TNFRSF21: variants seen among roughly 807,000 people sequenced by gnomAD.
TNFRSF21 encodes the protein TNF receptor superfamily member 21.
Under a neutral mutation model 45.6 loss-of-function variants are expected in TNFRSF21, and 19 were observed. That is an observed-to-expected ratio of 0.42 (90% CI 0.29 to 0.61). TNFRSF21 has a LOEUF of 0.61. Ranked by LOEUF, TNFRSF21 falls within the 20% of genes least tolerant of loss-of-function variation. TNFRSF21 has a pLI of 0.23. For synonymous variants in TNFRSF21, 314 were observed against 335.5 expected (o/e 0.94, Z 0.70); for missense variants, 737 against 851.5 (o/e 0.87, Z 1.67).
intron 1 of TNFRSF21, among the ~76,000 whole-genome samples, chr6:47,292,770 T>A (rs184829750): frequency 6.6e-6 from 1 of 152,370 alleles, no homozygotes; most frequent in East Asian, 1.9e-4. Flanking sequence ...AGAGACTCAC[T>A]GTGAATTTTG....
At chr6:47,289,735 T>A (rs1334107046) in intron 1 of TNFRSF21, among the ~76,000 whole-genome samples, 4 of 152,210 alleles carry the variant, frequency 2.6e-5, no homozygotes, top group African/African-American at 9.7e-5. Flanking sequence ...GGCTCATGCC[T>A]GTAATCCCAG....
intron 4 of TNFRSF21, among the ~76,000 whole-genome samples, chr6:47,241,433 T>G (rs747938745): frequency 5.9e-5 from 9 of 152,148 alleles, no homozygotes; most frequent in Non-Finnish European, 1.2e-4. Context: ...TCTTGTTCAA[T>G]TCAATCCAGA....
chr6:47,253,559 G>A (rs1412021823), intron 3 of TNFRSF21, 38 bp from the exon 4 acceptor site: 5 of 1,595,116 alleles, frequency 3.1e-6, no homozygotes, highest in Non-Finnish European at 4.3e-6. Flanking sequence ...ATGAGGGCTT[G>A]TAAGGGAAGC....
At chr6:47,309,333 G>A in intron 1 of TNFRSF21, 83 bp downstream of exon 1, 1 of 1,462,730 alleles carries the variant, frequency 6.8e-7, no homozygotes, top group Admixed American at 2.4e-5. Flanking sequence ...CCTAAGCCCC[G>A]GCCCGGTGAC....
At chr6:47,268,764 A>G (rs1561944548) in intron 3 of TNFRSF21, among the ~76,000 whole-genome samples, 2 of 152,182 alleles carry the variant, frequency 1.3e-5, no homozygotes, top group Non-Finnish European at 2.9e-5. Context: ...AGGGAGAGAC[A>G]GCAGGTCAGG....
At chr6:47,296,892 A>G (rs1281647668) in intron 1 of TNFRSF21, among the ~76,000 whole-genome samples, 2 of 152,204 alleles carry the variant, frequency 1.3e-5, no homozygotes, top group Non-Finnish European at 2.9e-5. Context: ...CAGGAGGCTG[A>G]GTAAGTAAAG....
At chr6:47,252,212 T>C (rs1764909994) in intron 4 of TNFRSF21, among the ~76,000 whole-genome samples, 1 of 152,252 alleles carries the variant, frequency 6.6e-6, no homozygotes, top group African/African-American at 2.4e-5. Flanking sequence ...TATAGAATGA[T>C]AGTAAACTGA....
intron 3 of TNFRSF21, among the ~76,000 whole-genome samples, chr6:47,281,689 G>A (rs79904632): frequency 0.028 from 4,280 of 152,154 alleles, 208 homozygotes; most frequent in African/African-American, 0.097. Context: ...GCCAATAGGT[G>A]TATTTTTTAC....
chr6:47,234,578 G>C, intron 5 of TNFRSF21, 92 bp downstream of exon 5: 1 of 1,037,772 alleles, frequency 9.6e-7, no homozygotes. Flanking sequence ...TCAACTCTCA[G>C]CTACAACTGG....
chr6:47,302,715 A>G (rs1762882122), intron 1 of TNFRSF21, among the ~76,000 whole-genome samples: 1 of 152,154 alleles, frequency 6.6e-6, no homozygotes, highest in African/African-American at 2.4e-5. Flanking sequence ...AGAATGTTCA[A>G]CTCTTGGGTA....
intron 1 of TNFRSF21, among the ~76,000 whole-genome samples, chr6:47,308,112 A>G (rs552400806): frequency 6.6e-6 from 1 of 152,370 alleles, no homozygotes; most frequent in East Asian, 1.9e-4. Context: ...AGTGGGCAGA[A>G]AAGAGTTTCT....
intron 4 of TNFRSF21, among the ~76,000 whole-genome samples, chr6:47,247,431 C>G: frequency 6.6e-6 from 1 of 152,160 alleles, no homozygotes; most frequent in Admixed American, 6.5e-5. Context: ...TCCCTAATTT[C>G]TAAGAGATGA....
At chr6:47,239,100 A>G (rs1398874071) in intron 4 of TNFRSF21, among the ~76,000 whole-genome samples, 1 of 152,138 alleles carries the variant, frequency 6.6e-6, no homozygotes, top group Non-Finnish European at 1.5e-5. Context: ...AGCCTGGTCA[A>G]CATAGCGAAA....
chr6:47,288,215 A>C (rs922811208), intron 1 of TNFRSF21, among the ~76,000 whole-genome samples: 1 of 152,288 alleles, frequency 6.6e-6, no homozygotes, highest in Non-Finnish European at 1.5e-5. Context: ...TACAACAATG[A>C]AAATGAACTA....
At chr6:47,294,494 C>A (rs559711038) in intron 1 of TNFRSF21, among the ~76,000 whole-genome samples, 30 of 152,264 alleles carry the variant, frequency 2.0e-4, no homozygotes, top group African/African-American at 7.0e-4. Flanking sequence ...CACAATGTAG[C>A]CACAATAACT....
At position 47,234,870 on chromosome 6, in the gene TNFRSF21, A is replaced by G. The variant is rs371981226; in HGVS notation, c.1538T>C (p.Met513Thr). The G allele has an allele frequency of 7.1e-7, 1 of 1,412,440 alleles. No homozygotes were observed. The highest frequency in any genetic ancestry group is 1.5e-5 in the African/African-American group (1 of 65,994). 87.5% of individuals were successfully genotyped at this position (1,412,440 alleles called of 1,614,324 possible). A position where few individuals can be genotyped will look rare whatever the true frequency, so the allele number is the denominator to read the frequency against. The change falls in exon 5 of 6, where the codon ATG becomes ACG. Residue 513 changes from methionine to threonine, a missense_variant. Coordinates refer to ENST00000296861, the MANE Select transcript of TNFRSF21 (RefSeq NM_014452.5). ...QLETDKLALP[M>T]SPSPLSPSPI... The stretch of plus-strand genomic sequence containing the variant: ...GCTCGGGCTAAGCGGGCTGGGGCTC[A>G]TCGGGAGAGCTAGTTTGTCAGTTTC...
rs1561935444 is a variant in TNFRSF21 at position 47,232,660 on chromosome 6, A to AC, written c.*104_*105insG. 2.7e-5 allele frequency: 17 copies of AC among 635,928 alleles called. No individual in the cohort carries two copies. The highest frequency in any genetic ancestry group is 9.2e-5 in the South Asian group (4 of 43,398). 39.4% of individuals were successfully genotyped at this position (635,928 alleles called of 1,614,324 possible). A position where few individuals can be genotyped will look rare whatever the true frequency, so the allele number is the denominator to read the frequency against. On this transcript the variant is annotated 3_prime_UTR_variant, in exon 6 of 6. Transcript: ENST00000296861. The stretch of plus-strand genomic sequence containing the variant: ...ACACACACACACACACACACACACA[A>AC]ACACACACACACACCCCAAACAACA...
Position 47,258,744 on chromosome 6 carries a change from T to C in TNFRSF21, c.1244-5223A>G, listed in dbSNP as rs115316778. 1.5e-3 allele frequency among the ~76,000 whole-genome samples: 226 copies of C among 152,294 alleles called. 1 individual carries two copies. Among genetic ancestry groups the C allele is most frequent in the Non-Finnish European group, 2.8e-3 (188 of 68,026 alleles). On this transcript the variant is annotated intron_variant, in intron 3 of 5. Transcript: ENST00000296861. ...GTGAGCCACTGCATCCTTTATTTCC[T>C]TTCTTTAAATCTATGATACCCTAAA...
intron 5 of TNFRSF21, 125 bp downstream of exon 5, chr6:47,234,545 C>T (rs112816079): frequency 1.3e-5 from 10 of 796,894 alleles, no homozygotes; most frequent in African/African-American, 5.3e-5. Flanking sequence ...GACTGGTCTT[C>T]CTGGGCAGGT....
Sources: gnomAD v4.1 joint callset for allele counts (sites outside exome capture counted in the v4.1 genomes callset) on GRCh38, gnomAD v4.1.1 for gene constraint, MANE v1.5 for transcripts, NCBI Gene and HGNC (gene_info 2026-07-23, HGNC 2026-07-21) for gene names.